The following TRPV4 variants were observed in gnomAD, a reference collection of about 807,000 sequenced individuals.
TRPV4 encodes the protein transient receptor potential cation channel subfamily V member 4.
A neutral mutation model predicts 84.1 loss-of-function variants in TRPV4; 58 were observed. That is an observed-to-expected ratio of 0.69 (90% CI 0.56 to 0.86). The LOEUF is 0.86. TRPV4 is among the 40% of genes least tolerant of loss of function. The probability of loss-of-function intolerance (pLI) is 0.00; values close to 1 mark genes in which losing one functional copy is unlikely to be tolerated. For missense variants in TRPV4, 879 were observed against 1,181.1 expected, an observed-to-expected ratio of 0.74 and a Z score of 3.75; for synonymous variants, 489 against 500.9, an observed-to-expected ratio of 0.98 and a Z score of 0.32.
Position 109,788,663 on chromosome 12 carries a change from G to A in TRPV4, c.1945C>T (p.Gln649Ter). The change falls in exon 13 of 16, where the codon CAG becomes TAG. Residue 649 changes from glutamine to a stop codon, truncating the protein, a stop_gained. Transcript: ENST00000261740. LOFTEE classifies it high-confidence loss of function. ...TAAGTGGGCACTGTGCAGTTGGTCT[G>A]GTCCTCATTGCACACCTTCATGTTG... ...CANMKVCNEDQTNCTVPTYPS... is the reference protein window; with the variant it reads ...CANMKVCNED 1 of 1,614,196 alleles carries A rather than the reference G, an allele frequency of 6.2e-7. No individual in the cohort carries two copies.
At position 109,793,707 on chromosome 12, in the gene TRPV4, C is replaced by A. The variant is rs1462213817; in HGVS notation, c.1585-107G>T. 22 of 1,010,506 alleles carry A rather than the reference C, an allele frequency of 2.2e-5. No individual in the cohort carries two copies. The highest frequency in any genetic ancestry group is 3.4e-5 in the Non-Finnish European group (22 of 646,142). The allele number at this position is 1,010,506 out of a possible 1,614,324, so 62.6% of individuals were successfully genotyped here. On this transcript the variant is annotated intron_variant, in intron 9 of 15. Transcript: ENST00000261740. The surrounding 1 kb of genome is among the most constrained non-coding windows in gnomAD (Gnocchi z 4.0). ...GAAGAGAGGGAGGCAGAGGCTGGTA[C>A]AGAGAAAAGACAAAGGACTCTTTCC...
intron 1 of TRPV4, among the ~76,000 whole-genome samples, chr12:109,819,699 T>C (rs10744892): frequency 0.27 from 41,326 of 152,074 alleles, 6,331 homozygotes; most frequent in East Asian, 0.7. Context: ...GTAGCTGGGA[T>C]TACAGAAACA....
intron 6 of TRPV4, among the ~76,000 whole-genome samples, chr12:109,797,845 C>T (rs552967464): frequency 1.4e-4 from 21 of 152,252 alleles, no homozygotes; most frequent in Admixed American, 1.1e-3. Context: ...TCCTAAGAGC[C>T]TTATGTGGAT....
Position 109,803,158 on chromosome 12 carries a change from A to G in TRPV4, c.560-15T>C. The G allele has an allele frequency of 6.2e-7, 1 of 1,613,466 alleles. No individual in the cohort carries two copies. Among genetic ancestry groups the G allele is most frequent in the Non-Finnish European group, 8.5e-7 (1 of 1,179,980 alleles). On this transcript the variant is annotated splice_polypyrimidine_tract_variant and intron_variant, in intron 3 of 15. Coordinates refer to ENST00000261740, the MANE Select transcript of TRPV4 (RefSeq NM_021625.5). ...CGTAGATGGCTCTAGCAAGAGAGAC[A>G]CACAAGATGACGCAGTGCTCCAGCC... is the stretch of plus-strand genomic sequence containing the variant.
intron 3 of TRPV4, among the ~76,000 whole-genome samples, chr12:109,805,402 T>A (rs1465910403): frequency 1.3e-5 from 2 of 152,160 alleles, no homozygotes; most frequent in Non-Finnish European, 2.9e-5. Context: ...TGGGAGAAGA[T>A]GTCAGGAGCA....
At position 109,788,818 on chromosome 12, in the gene TRPV4, A is replaced by AGCG. The variant is rs533102089; in HGVS notation, c.1892-105_1892-103dup. On this transcript the variant is annotated intron_variant, in intron 12 of 15. Coordinates refer to ENST00000261740, the MANE Select transcript of TRPV4 (RefSeq NM_021625.5). ...TGGAGGAGAAAGCTGAGGCCTAGTG[A>AGCG]GCGGAGCACGCTGGCCCACACGCTG... 1,963 of 1,379,322 alleles carry AGCG rather than the reference A, an allele frequency of 1.4e-3. 44 individuals are homozygous for AGCG. The Admixed American group carries it at 0.031, about 22-fold the overall frequency. 85.4% of individuals were successfully genotyped at this position (1,379,322 alleles called of 1,614,324 possible).
chr12:109,798,051 C>A lies in TRPV4; in HGVS notation c.1152+563G>T, dbSNP rs563327366. The stretch of plus-strand genomic sequence containing the variant: ...TTCCCAATCCAGCGATGGTGCCCCC[C>A]AGAGGACAATTCAGCAATGTTCTGG... On this transcript the variant is annotated intron_variant, in intron 6 of 15. Transcript: ENST00000261740. The surrounding 1 kb of genome is among the most constrained non-coding windows in gnomAD (Gnocchi z 5.0). 6.6e-6 allele frequency among the ~76,000 whole-genome samples: 1 copy of A among 152,332 alleles called. No homozygotes were observed. The highest frequency in any genetic ancestry group is 2.1e-4 in the South Asian group (1 of 4,822).
At position 109,815,243 on chromosome 12, in the gene TRPV4, G is replaced by C. The variant is rs1891792132; in HGVS notation, c.-31-416C>G. ...AGCAAGTCGACATTTCATAGCCTCA[G>C]CTTCCTGATCTGTAAGATGGGGATA... On this transcript the variant is annotated intron_variant, in intron 1 of 15. Coordinates refer to ENST00000261740, the MANE Select transcript of TRPV4 (RefSeq NM_021625.5). The surrounding 1 kb of genome is among the most constrained non-coding windows in gnomAD (Gnocchi z 4.1). Among the ~76,000 whole-genome samples, 1 of 152,234 alleles carries C rather than the reference G, an allele frequency of 6.6e-6. No individual in the cohort carries two copies. The highest frequency in any genetic ancestry group is 2.1e-4 in the South Asian group (1 of 4,836).
intron 1 of TRPV4, among the ~76,000 whole-genome samples, chr12:109,818,138 A>G (rs929904066): frequency 2.0e-5 from 3 of 151,896 alleles, no homozygotes; most frequent in East Asian, 3.9e-4. Flanking sequence ...GAATCCCTCC[A>G]TGGACTGGGG....
At chr12:109,792,860 G>A (rs1890134555) in intron 10 of TRPV4, 43 bp from the exon 11 acceptor site, 3 of 1,606,676 alleles carry the variant, frequency 1.9e-6, no homozygotes, top group Admixed American at 1.7e-5. Context: ...GAGGGGAGAG[G>A]GGACAATGAG....
Position 109,788,638 on chromosome 12 carries a change from T to C in TRPV4, c.1970A>G (p.Tyr657Cys), listed in dbSNP as rs1889848512. The change falls in exon 13 of 16, where the codon TAC (tyrosine) becomes TGC (cysteine). Residue 657 changes from tyrosine to cysteine, a missense_variant. Tyr to Cys is a radical substitution (Grantham distance 194). Transcript: ENST00000261740. The stretch of plus-strand genomic sequence containing the variant: ...GGTCTCGCTGTCACGGCACGAGGGG[T>C]AAGTGGGCACTGTGCAGTTGGTCTG... ...EDQTNCTVPTYPSCRDSETFS... is the reference protein window; with the variant it reads ...EDQTNCTVPTCPSCRDSETFS... The C allele has an allele frequency of 1.2e-6, 2 of 1,614,012 alleles. No individual in the cohort carries two copies. The highest frequency in any genetic ancestry group is 2.7e-5 in the African/African-American group (2 of 74,990).
rs551034795 is a variant in TRPV4, at chr12:109,786,404, C to G, written c.2336+306G>C. Among the ~76,000 whole-genome samples, 6 of 152,350 alleles carry G rather than the reference C, an allele frequency of 3.9e-5. No homozygotes were observed. In the South Asian group the frequency reaches 1.2e-3, roughly 32 times the overall value. On this transcript the variant is annotated intron_variant, in intron 14 of 15. Transcript: ENST00000261740. The surrounding 1 kb of genome is among the most constrained non-coding windows in gnomAD (Gnocchi z 4.5). ...TTCCCCCTGAGCAAGAACAGGGGAG[C>G]CTGTGGCGTCCCGATGCGCGTCGGG...
Position 109,796,628 on chromosome 12 carries a change from G to A in TRPV4, c.1229C>T (p.Ala410Val), listed in dbSNP as rs1890417530. ...RHLSRKFKDW[A>V]YGPVYSSLYD... ...AAGCGAGGAATACACTGGCCCATAG[G>A]CCCAGTCCTTGAACTTGCGGGACAG... Residue 410 changes from alanine to valine, a missense_variant, in exon 7 of 16, where the codon GCC becomes GTC. Physicochemically the swap from Ala to Val is moderately conservative, Grantham distance 64. Transcript: ENST00000261740. This position sits in a 1 kb window ranked among gnomAD's most constrained non-coding sequence, Gnocchi z 4.2. The A allele has an allele frequency of 6.2e-7, 1 of 1,614,186 alleles. No individual in the cohort carries two copies. Among genetic ancestry groups the A allele is most frequent in the Non-Finnish European group, 8.5e-7 (1 of 1,180,038 alleles).
intron 12 of TRPV4, among the ~76,000 whole-genome samples, chr12:109,790,244 C>T (rs1161908003): frequency 3.3e-5 from 5 of 152,198 alleles, no homozygotes; most frequent in Non-Finnish European, 7.3e-5. Flanking sequence ...GTGCCAGGCT[C>T]GTCCCCAGAT....
intron 5 of TRPV4, among the ~76,000 whole-genome samples, chr12:109,799,981 C>CA (rs1011986546): frequency 2.0e-5 from 3 of 151,982 alleles, no homozygotes; most frequent in African/African-American, 7.3e-5. Flanking sequence ...CTCACTCTGT[C>CA]ACCCAAGCTG....
rs965097183 is a variant in TRPV4, at chr12:109,783,383, G to A, written c.*238C>T. The A allele has an allele frequency of 1.7e-5, 9 of 518,612 alleles. No homozygotes were observed. Among genetic ancestry groups the A allele is most frequent in the African/African-American group, 9.6e-5 (5 of 51,858 alleles). The allele number at this position is 518,612 out of a possible 1,614,324, so 32.1% of individuals were successfully genotyped here. A position where few individuals can be genotyped will look rare whatever the true frequency, so the allele number is the denominator to read the frequency against. On this transcript the variant is annotated 3_prime_UTR_variant, in exon 16 of 16. Coordinates refer to ENST00000261740, the MANE Select transcript of TRPV4 (RefSeq NM_021625.5). This position sits in a 1 kb window ranked among gnomAD's most constrained non-coding sequence, Gnocchi z 4.6. Reference sequence around the variant, plus strand: ...CAGGGGCTGGGGCCTGAGGTGGAGGGGCTCTGGCGTTGGCTTATGTGACTC... The same window carrying A: ...CAGGGGCTGGGGCCTGAGGTGGAGGAGCTCTGGCGTTGGCTTATGTGACTC...
In TRPV4 at chr12:109,788,694, C is replaced by T. The variant is rs372476984; in HGVS notation, c.1914G>A (p.Pro638=). ...YASALVSLLN[P]CANMKVCNED... is the part of the protein sequence containing the mutation. ...CATTGCACACCTTCATGTTGGCACA[C>T]GGGTTCAGGAGGGAGACCAGGGCTG... The change falls in exon 13 of 16, where the codon CCG becomes CCA. Residue 638 remains proline (P), a synonymous_variant. Coordinates refer to ENST00000261740, the MANE Select transcript of TRPV4 (RefSeq NM_021625.5). The T allele has an allele frequency of 6.2e-6, 10 of 1,614,168 alleles. No homozygotes were observed. The highest frequency in any genetic ancestry group is 1.6e-4 in the Middle Eastern group (1 of 6,062).
At chr12:109,787,346 T>G (rs1851001719) in intron 13 of TRPV4, among the ~76,000 whole-genome samples, 1 of 152,206 alleles carries the variant, frequency 6.6e-6, no homozygotes, top group Non-Finnish European at 1.5e-5. Flanking sequence ...GGCTCACACC[T>G]GCAATCTCAG....
At chr12:109,809,898 T>TGTTGTGTGG in intron 2 of TRPV4, among the ~76,000 whole-genome samples, 1 of 152,270 alleles carries the variant, frequency 6.6e-6, no homozygotes, top group East Asian at 1.9e-4. Context: ...CATATGTACC[T>TGTTGTGTGG]GCCCATGGCC....
Sources: gnomAD v4.1 joint callset for allele counts (sites outside exome capture counted in the v4.1 genomes callset) on GRCh38, gnomAD v4.1.1 for gene constraint, Gnocchi (gnomAD v3.1) non-coding constraint, MANE v1.5 for transcripts, NCBI Gene and HGNC (gene_info 2026-07-23, HGNC 2026-07-21) for gene names.